The following CNTN5 variants were observed in gnomAD, a reference collection of about 807,000 sequenced individuals.
The protein encoded by CNTN5 is contactin-5.
Under a neutral mutation model 129.1 loss-of-function variants are expected in CNTN5, and 77 were observed. The observed-to-expected ratio is 0.60, with a 90% CI of 0.50 to 0.72. CNTN5 has a LOEUF of 0.72. CNTN5 is among the 30% of genes least tolerant of loss of function. The pLI, the probability that CNTN5 is intolerant of heterozygous loss-of-function variation, is 0.00. For missense variants in CNTN5, 1,478 were observed against 1,328.8 expected (o/e 1.11, Z -1.75); for synonymous variants, 509 against 465.6 (o/e 1.09, Z -1.20).
At chr11:99,420,483 T>G (rs1942840002) in intron 2 of CNTN5, among the ~76,000 whole-genome samples, 1 of 152,158 alleles carries the variant, frequency 6.6e-6, no homozygotes. Flanking sequence ...CTCAAAAAAT[T>G]TTTTAAAAAC....
intron 1 of CNTN5, among the ~76,000 whole-genome samples, chr11:99,137,601 A>C (rs564759774): frequency 6.6e-6 from 1 of 152,314 alleles, no homozygotes; most frequent in Non-Finnish European, 1.5e-5. Flanking sequence ...TTTAAAAATT[A>C]TCTAAAGGTA....
intron 3 of CNTN5, among the ~76,000 whole-genome samples, chr11:99,659,542 T>C (rs1952519446): frequency 6.6e-6 from 1 of 152,146 alleles, no homozygotes; most frequent in East Asian, 1.9e-4. Context: ...TATAAGGAAT[T>C]GGCTCAGAGG....
chr11:99,249,963 G>T (rs1347282780), intron 1 of CNTN5, among the ~76,000 whole-genome samples: 1 of 151,894 alleles, frequency 6.6e-6, no homozygotes, highest in Non-Finnish European at 1.5e-5. Flanking sequence ...AGTTGTTTGA[G>T]CTTTTTTGTT....
chr11:99,772,098 T>G (rs894268663), intron 3 of CNTN5, among the ~76,000 whole-genome samples: 1 of 150,784 alleles, frequency 6.6e-6, no homozygotes, highest in Non-Finnish European at 1.5e-5. Context: ...AACAATGGAG[T>G]GCTCTTTCTG....
intron 6 of CNTN5, among the ~76,000 whole-genome samples, chr11:99,901,734 AT>A (rs1223262931): frequency 1.3e-5 from 2 of 152,230 alleles, no homozygotes; most frequent in Admixed American, 6.5e-5. Context: ...TGCAATTAAT[AT>A]TAGTTTAATA....
At chr11:100,023,037 G>C (rs1219951585) in intron 9 of CNTN5, among the ~76,000 whole-genome samples, 3 of 151,972 alleles carry the variant, frequency 2.0e-5, no homozygotes, top group Non-Finnish European at 4.4e-5. Flanking sequence ...GGTACATTGA[G>C]CTTCTGGGAG....
chr11:99,208,421 AAATT>A (rs1859591719), intron 1 of CNTN5, among the ~76,000 whole-genome samples: 1 of 152,158 alleles, frequency 6.6e-6, no homozygotes, highest in African/African-American at 2.4e-5. Flanking sequence ...TGAGAAAGTT[AAATT>A]AATACCCTAA....
chr11:99,481,967 A>G (rs1504725), intron 2 of CNTN5, among the ~76,000 whole-genome samples: 42,148 of 151,904 alleles, frequency 0.28, 6,028 homozygotes, highest in Admixed American at 0.37. Context: ...AATAAATGTT[A>G]TAAGAATGAT....
At chr11:99,822,050 C>T (rs1345960343) in intron 4 of CNTN5, among the ~76,000 whole-genome samples, 2 of 152,044 alleles carry the variant, frequency 1.3e-5, no homozygotes, top group Non-Finnish European at 2.9e-5. Flanking sequence ...TGGCTTTTGT[C>T]AGGTAATTCC....
chr11:99,304,369 A>G (rs1406797621), intron 1 of CNTN5, among the ~76,000 whole-genome samples: 1 of 152,184 alleles, frequency 6.6e-6, no homozygotes, highest in Non-Finnish European at 1.5e-5. Flanking sequence ...ACTTTGTGTA[A>G]GGAAAATAAT....
At chr11:99,496,583 A>G (rs1351573549) in intron 2 of CNTN5, among the ~76,000 whole-genome samples, 1 of 152,250 alleles carries the variant, frequency 6.6e-6, no homozygotes, top group Non-Finnish European at 1.5e-5. Context: ...AGGCATACAC[A>G]TAATTCCCAG....
At chr11:100,240,740 A>AT (rs1949723127) in intron 16 of CNTN5, among the ~76,000 whole-genome samples, 2 of 152,158 alleles carry the variant, frequency 1.3e-5, no homozygotes, top group South Asian at 2.1e-4. Context: ...GAAGAAGAAT[A>AT]TTTTTTAAAG....
At chr11:99,278,237 G>T (rs1040905451) in intron 1 of CNTN5, among the ~76,000 whole-genome samples, 1 of 151,592 alleles carries the variant, frequency 6.6e-6, no homozygotes, top group Non-Finnish European at 1.5e-5. Flanking sequence ...CTTACTATGT[G>T]CTAACAGTGG....
intron 15 of CNTN5, among the ~76,000 whole-genome samples, chr11:100,221,127 A>G (rs1193964921): frequency 6.6e-6 from 1 of 152,230 alleles, no homozygotes; most frequent in African/African-American, 2.4e-5. Flanking sequence ...AGGGAGAGAG[A>G]GTCCAGAAAA....
At chr11:99,076,688 T>A (rs150586436) in intron 1 of CNTN5, among the ~76,000 whole-genome samples, 2 of 152,140 alleles carry the variant, frequency 1.3e-5, no homozygotes, top group Non-Finnish European at 2.9e-5. Flanking sequence ...TCTACTGTAG[T>A]ATGACATGAT....
chr11:99,901,438 G>T (rs918846350), intron 6 of CNTN5, among the ~76,000 whole-genome samples: 1 of 151,936 alleles, frequency 6.6e-6, no homozygotes, highest in African/African-American at 2.4e-5. Context: ...TTACAGGTGT[G>T]CACCACCATG....
chr11:99,705,375 G>A (rs1326354402), intron 3 of CNTN5, among the ~76,000 whole-genome samples: 1 of 151,210 alleles, frequency 6.6e-6, no homozygotes, highest in African/African-American at 2.4e-5. Context: ...ACCAGCTGAA[G>A]ACTCCTGAAT....
At chr11:99,653,322 C>T (rs1053098286) in intron 3 of CNTN5, among the ~76,000 whole-genome samples, 2 of 151,810 alleles carry the variant, frequency 1.3e-5, no homozygotes, top group African/African-American at 2.4e-5. Flanking sequence ...TTGTTTATCT[C>T]ATCTTTTTCC....
chr11:99,774,158 T>C (rs1194558302), intron 3 of CNTN5, among the ~76,000 whole-genome samples: 1 of 152,050 alleles, frequency 6.6e-6, no homozygotes, highest in Non-Finnish European at 1.5e-5. Context: ...TATAACATTA[T>C]GAGTTTCTAA....
Sources: gnomAD v4.1 joint callset for allele counts (sites outside exome capture counted in the v4.1 genomes callset) on GRCh38, gnomAD v4.1.1 for gene constraint, MANE v1.5 for transcripts, NCBI Gene and HGNC (gene_info 2026-07-23, HGNC 2026-07-21) for gene names.